MAPT: variants seen among roughly 807,000 people sequenced by gnomAD.
MAPT encodes the protein microtubule-associated protein tau.
A neutral mutation model predicts 67.9 loss-of-function variants in MAPT; 34 were observed. The ratio of observed to expected loss-of-function variants is 0.50; its 90% CI spans 0.38 to 0.67. The LOEUF (loss-of-function observed/expected upper bound fraction) is 0.67. MAPT is among the 30% of genes least tolerant of loss of function. The pLI, the probability that MAPT is intolerant of heterozygous loss-of-function variation, is 0.00. For synonymous variants in MAPT, 456 were observed against 464.5 expected (o/e 0.98, Z 0.23); for missense variants, 881 against 1,115.2 (o/e 0.79, Z 2.99).
chr17:45,916,940 G>A (rs1408059410), intron 1 of MAPT, among the ~76,000 whole-genome samples: 1 of 152,212 alleles, frequency 6.6e-6, no homozygotes, highest in Non-Finnish European at 1.5e-5. Flanking sequence ...GGGCCACCTG[G>A]AGATGGGCCC....
intron 9 of MAPT, among the ~76,000 whole-genome samples, chr17:45,998,108 G>A (rs145327712): frequency 1.3e-5 from 2 of 152,142 alleles, no homozygotes; most frequent in African/African-American, 2.4e-5. Flanking sequence ...CTGGGCCTGC[G>A]TGTCAGCTTG....
At chr17:45,984,065 C>T (rs1382820687) in intron 5 of MAPT, 135 bp downstream of exon 5, 6 of 766,830 alleles carry the variant, frequency 7.8e-6, no homozygotes, top group Non-Finnish European at 1.3e-5. Flanking sequence ...TAAATCGACA[C>T]CTGGGTGCAG....
At chr17:45,899,977 G>A (rs2063511109) in intron 1 of MAPT, among the ~76,000 whole-genome samples, 1 of 152,234 alleles carries the variant, frequency 6.6e-6, no homozygotes, top group Non-Finnish European at 1.5e-5. Flanking sequence ...GATTCAGTGT[G>A]GCCAAGGTCA....
At position 45,989,646 on chromosome 17, in the gene MAPT, G is replaced by A. The variant is rs561496960; in HGVS notation, c.1408-232G>A. Among the ~76,000 whole-genome samples, 25 of 152,220 alleles carry A rather than the reference G, an allele frequency of 1.6e-4. 1 individual carries two copies. The South Asian group carries it at 3.5e-3, about 21-fold the overall frequency. ...AGCCTGGGCGACAGAGCGAGACTCC[G>A]TCTCAAAAAAGAAAAAGAAAAAGAA... is the stretch of plus-strand genomic sequence containing the variant. On this transcript the variant is annotated intron_variant, in intron 6 of 12. Coordinates refer to ENST00000262410, the MANE Select transcript of MAPT (RefSeq NM_001377265.1).
At chr17:45,921,110 C>G (rs2065670337) in intron 1 of MAPT, among the ~76,000 whole-genome samples, 2 of 152,318 alleles carry the variant, frequency 1.3e-5, no homozygotes, top group Non-Finnish European at 2.9e-5. Flanking sequence ...TAGGGATAAT[C>G]CCTTAGTTGT....
In MAPT at chr17:45,897,530, G is replaced by C. The variant is rs2063339472; in HGVS notation, c.-18+2844G>C. 1 of 152,250 alleles carries C rather than the reference G, an allele frequency of 6.6e-6. No homozygotes were observed. Among genetic ancestry groups the C allele is most frequent in the Non-Finnish European group, 1.5e-5 (1 of 68,092 alleles). The allele number at this position is 152,250 out of a possible 1,614,324, so 9.4% of individuals were successfully genotyped here. ...CTTTAAGGAAATGGCTTCCCTCCAG[G>C]ACCTCGAGGGATGCAGCTTTTGCGC... is the stretch of plus-strand genomic sequence containing the variant. On this transcript the variant is annotated intron_variant, in intron 1 of 12. Coordinates refer to ENST00000262410, the MANE Select transcript of MAPT (RefSeq NM_001377265.1). This position sits in a 1 kb window ranked among gnomAD's most constrained non-coding sequence, Gnocchi z 5.0.
At chr17:45,938,954 C>A (rs1416918506) in intron 1 of MAPT, among the ~76,000 whole-genome samples, 4 of 151,820 alleles carry the variant, frequency 2.6e-5, no homozygotes, top group Non-Finnish European at 5.9e-5. Context: ...GCTGGGACTA[C>A]AGGTGTGCAC....
intron 11 of MAPT, 90 bp from the exon 12 acceptor site, chr17:46,018,528 C>T: frequency 2.0e-6 from 2 of 989,228 alleles, no homozygotes; most frequent in Admixed American, 3.4e-5. Flanking sequence ...GCACTTTGCC[C>T]TGTAGACTGC....
At chr17:45,900,199 T>C (rs1013132024) in intron 1 of MAPT, among the ~76,000 whole-genome samples, 7 of 152,182 alleles carry the variant, frequency 4.6e-5, no homozygotes, top group African/African-American at 1.7e-4. Context: ...TTGCAATAAG[T>C]ATTCCATTAT....
chr17:45,941,978 C>T (rs1275316913), intron 1 of MAPT, among the ~76,000 whole-genome samples: 1 of 152,030 alleles, frequency 6.6e-6, no homozygotes, highest in Non-Finnish European at 1.5e-5. Flanking sequence ...CACTGTGGGA[C>T]AGATCCTCAG....
At chr17:46,013,317 C>T (rs2075949558) in intron 10 of MAPT, among the ~76,000 whole-genome samples, 1 of 152,230 alleles carries the variant, frequency 6.6e-6, no homozygotes, top group African/African-American at 2.4e-5. Context: ...ACAGCCATGG[C>T]TGCATAGAGG....
intron 11 of MAPT, 72 bp from the exon 12 acceptor site, chr17:46,018,546 A>T: frequency 8.8e-7 from 1 of 1,133,634 alleles, no homozygotes; most frequent in Non-Finnish European, 1.3e-6. Flanking sequence ...TGCAGACCTC[A>T]TGTAATGTAT....
intron 1 of MAPT, among the ~76,000 whole-genome samples, chr17:45,960,871 A>G (rs1265111352): frequency 2.0e-5 from 3 of 151,974 alleles, no homozygotes; most frequent in Non-Finnish European, 4.4e-5. Flanking sequence ...CAGGCCTCCT[A>G]TAGCCATGAG....
chr17:45,978,512 A>C (rs1003363819), intron 4 of MAPT, 72 bp downstream of exon 4: 8 of 1,253,238 alleles, frequency 6.4e-6, no homozygotes, highest in African/African-American at 1.5e-5. Context: ...TCTGCCCTGA[A>C]AAGATCATTT....
rs572059159 is a variant in MAPT at position 45,996,726 on chromosome 17, C to A, written c.1998+62C>A. The stretch of plus-strand genomic sequence containing the variant: ...CTGCGCCTGGAGGGGTAGGGCTGTG[C>A]CTGGAAGGGTAGGGCTGCGCCTGGA... On this transcript the variant is annotated intron_variant, in intron 9 of 12. Coordinates refer to ENST00000262410, the MANE Select transcript of MAPT (RefSeq NM_001377265.1). The surrounding 1 kb of genome is among the most constrained non-coding windows in gnomAD (Gnocchi z 4.5). 131 of 1,594,030 alleles carry A rather than the reference C, an allele frequency of 8.2e-5. 1 individual carries two copies. In the East Asian group the frequency reaches 1.8e-3, roughly 22 times the overall value.
rs1367817894 is a variant in MAPT at position 45,978,425 on chromosome 17, G to A, written c.271G>A (p.Gly91Ser). 1 of 1,613,712 alleles carries A rather than the reference G, an allele frequency of 6.2e-7. No homozygotes were observed. The highest frequency in any genetic ancestry group is 1.1e-5 in the South Asian group (1 of 91,072). Residue 91 changes from glycine (G) to serine (S), a missense_variant, in exon 4 of 13, where the codon GGT (glycine) becomes AGT (serine). This residue lies in a region of MAPT where 687 missense variants were observed against 766.1 expected (regional missense o/e 0.90). Transcript: ENST00000262410. The stretch of plus-strand genomic sequence containing the variant: ...CCCCAGCCTGGAAGACGAAGCTGCT[G>A]GTCACGTGACCCAAGGTCAGTGAAC... Reference protein sequence around the residue: ...DTPSLEDEAAGHVTQEELRVP... With the variant: ...DTPSLEDEAASHVTQEELRVP...
In MAPT at chr17:45,915,486, TATG is replaced by T. The variant is rs2065134218; in HGVS notation, c.-18+20801_-18+20803del. On this transcript the variant is annotated intron_variant, in intron 1 of 12. Coordinates refer to ENST00000262410, the MANE Select transcript of MAPT (RefSeq NM_001377265.1). This position sits in a 1 kb window ranked among gnomAD's most constrained non-coding sequence, Gnocchi z 4.4. ...TTTGAGCATGTGTGGTGTGTTGTGA[TATG>T]TGTGTGGTGTGTGAGCATGTGTGTG... 6.7e-6 allele frequency among the ~76,000 whole-genome samples: 1 copy of T among 149,766 alleles called. No individual in the cohort carries two copies. The highest frequency in any genetic ancestry group is 1.5e-5 in the Non-Finnish European group (1 of 67,348).
At chr17:45,980,965 A>G (rs1262494971) in intron 4 of MAPT, among the ~76,000 whole-genome samples, 2 of 152,204 alleles carry the variant, frequency 1.3e-5, no homozygotes, top group African/African-American at 4.8e-5. Context: ...TGCAGGATCC[A>G]TTGATTTAAC....
intron 1 of MAPT, among the ~76,000 whole-genome samples, chr17:45,910,199 G>A (rs902877655): frequency 1.1e-4 from 17 of 152,144 alleles, no homozygotes; most frequent in African/African-American, 3.6e-4. Flanking sequence ...TCAGGGTGCT[G>A]GGAGGTCCCC....
Sources: allele counts gnomAD v4.1 joint callset (sites outside exome capture counted in the v4.1 genomes callset), GRCh38; gene constraint gnomAD v4.1.1; regional missense constraint gnomAD v4.1.1; non-coding constraint Gnocchi (gnomAD v3.1); transcripts MANE v1.5; gene names NCBI Gene and HGNC (gene_info 2026-07-23, HGNC 2026-07-21).